KDM2B: variants seen among roughly 807,000 people sequenced by gnomAD.
The protein encoded by KDM2B is lysine-specific demethylase 2B.
KDM2B carries 26 observed loss-of-function variants against 150.0 expected under a neutral mutation model. That is an observed-to-expected ratio of 0.17 (90% CI 0.13 to 0.24). The LOEUF (loss-of-function observed/expected upper bound fraction) is 0.24. Ranked by LOEUF, KDM2B falls within the 10% of genes least tolerant of loss-of-function variation. The probability of loss-of-function intolerance (pLI) is 1.00; values close to 1 mark genes in which losing one functional copy is unlikely to be tolerated. For synonymous variants in KDM2B, 734 were observed against 729.5 expected, an observed-to-expected ratio of 1.01 and a Z score of -0.10; for missense variants, 1,265 against 1,816.9, an observed-to-expected ratio of 0.70 and a Z score of 5.52.
chr12:121,432,316 C>T (rs1873189903), intron 22 of KDM2B, among the ~76,000 whole-genome samples: 1 of 152,218 alleles, frequency 6.6e-6, no homozygotes, highest in African/African-American at 2.4e-5. Context: ...TGTTATCATA[C>T]AATTCCTTCG....
At chr12:121,530,097 G>A (rs1301534612) in intron 8 of KDM2B, among the ~76,000 whole-genome samples, 2 of 151,326 alleles carry the variant, frequency 1.3e-5, no homozygotes, top group Admixed American at 6.6e-5. Flanking sequence ...GCATGGTGGC[G>A]GGTGCCTGTG....
chr12:121,436,812 A>C (rs1262933323), intron 22 of KDM2B, among the ~76,000 whole-genome samples: 8 of 152,208 alleles, frequency 5.3e-5, no homozygotes, highest in African/African-American at 1.9e-4. Flanking sequence ...ATTAACTTAC[A>C]AGGAGAGAAA....
intron 12 of KDM2B, among the ~76,000 whole-genome samples, chr12:121,457,509 G>A (rs1481597261): frequency 1.3e-5 from 2 of 151,842 alleles, no homozygotes; most frequent in Non-Finnish European, 2.9e-5. Context: ...TGATTTGCCC[G>A]CCTCAGCCTC....
chr12:121,448,382 A>G (rs1467563192), intron 13 of KDM2B, among the ~76,000 whole-genome samples: 1 of 151,060 alleles, frequency 6.6e-6, no homozygotes, highest in Non-Finnish European at 1.5e-5. Flanking sequence ...AAGTCCTCTC[A>G]CATCAAACTC....
intron 12 of KDM2B, among the ~76,000 whole-genome samples, chr12:121,461,814 G>T (rs1593829949): frequency 6.6e-6 from 1 of 152,322 alleles, no homozygotes; most frequent in East Asian, 1.9e-4. Flanking sequence ...AGGATGTCCA[G>T]GGGGAATGGA....
intron 4 of KDM2B, among the ~76,000 whole-genome samples, chr12:121,555,627 C>A (rs868932299): frequency 1.8e-4 from 28 of 152,242 alleles, no homozygotes; most frequent in Middle Eastern, 6.8e-3. Context: ...CCCACCTAGG[C>A]CTCCCAAAAT....
intron 2 of KDM2B, 106 bp downstream of exon 2, chr12:121,578,696 G>T (rs1891705889): frequency 1.3e-6 from 1 of 743,724 alleles, no homozygotes; most frequent in Non-Finnish European, 1.8e-6. Flanking sequence ...GGATCCCCTG[G>T]AATGGGGGAC....
At chr12:121,410,109 G>A in the KDM2B span, among the ~76,000 whole-genome samples, 41 of 151,986 alleles carry the variant, frequency 2.7e-4, no homozygotes, top group Middle Eastern at 6.8e-3. Context: ...AGCCAAGATC[G>A]TGCCATCGCA....
At chr12:121,462,312 A>G (rs1879223142) in intron 12 of KDM2B, among the ~76,000 whole-genome samples, 1 of 152,160 alleles carries the variant, frequency 6.6e-6, no homozygotes. Context: ...TTTAATATAG[A>G]GAGAGTAAGG....
intron 8 of KDM2B, among the ~76,000 whole-genome samples, chr12:121,525,774 G>T (rs1213417579): frequency 1.3e-5 from 2 of 152,146 alleles, no homozygotes; most frequent in African/African-American, 4.8e-5. Flanking sequence ...AGACTTGCTG[G>T]AGTGTAAGAA....
intron 17 of KDM2B, 72 bp from the exon 18 acceptor site, chr12:121,443,102 CCCA>C (rs1875458687): frequency 4.2e-6 from 6 of 1,440,602 alleles, no homozygotes; most frequent in Non-Finnish European, 5.7e-6. Flanking sequence ...GACACCCCAC[CCCA>C]CCACGAGTCC....
intron 8 of KDM2B, among the ~76,000 whole-genome samples, chr12:121,523,747 G>A (rs888959085): frequency 1.3e-5 from 2 of 152,260 alleles, no homozygotes; most frequent in African/African-American, 2.4e-5. Context: ...GCCCAGTGCT[G>A]CCGGGTACAG....
intron 12 of KDM2B, among the ~76,000 whole-genome samples, chr12:121,465,194 G>A (rs1879704861): frequency 6.6e-6 from 1 of 152,128 alleles, no homozygotes; most frequent in Admixed American, 6.5e-5. Context: ...GAAAAAATTT[G>A]GCTACAGTGA....
chr12:121,446,245 G>A (rs1359381859), intron 13 of KDM2B, among the ~76,000 whole-genome samples: 4 of 152,106 alleles, frequency 2.6e-5, no homozygotes, highest in East Asian at 1.9e-4. Context: ...AATACAAAAA[G>A]AAATTAGCCG....
At chr12:121,571,932 T>G (rs1335317641) in intron 4 of KDM2B, among the ~76,000 whole-genome samples, 1 of 152,152 alleles carries the variant, frequency 6.6e-6, no homozygotes, top group Non-Finnish European at 1.5e-5. Context: ...ATTACAGGCA[T>G]GAGCCACGGC....
At chr12:121,538,533 C>T (rs1888352119) in intron 6 of KDM2B, among the ~76,000 whole-genome samples, 1 of 152,156 alleles carries the variant, frequency 6.6e-6, no homozygotes. Flanking sequence ...TGTTCTTTTA[C>T]CACCCCTTCC....
chr12:121,491,456 A>G (rs1883338807), intron 12 of KDM2B, among the ~76,000 whole-genome samples: 1 of 151,930 alleles, frequency 6.6e-6, no homozygotes, highest in Non-Finnish European at 1.5e-5. Flanking sequence ...TCTGCTTCAC[A>G]CCATTTTGTG....
chr12:121,530,981 A>T (rs1367336800), intron 8 of KDM2B, among the ~76,000 whole-genome samples: 1 of 152,086 alleles, frequency 6.6e-6, no homozygotes, highest in African/African-American at 2.4e-5. Context: ...AGAGGAAGAG[A>T]CCAGCTAACG....
rs1889310382 is a variant in KDM2B at position 121,549,348 on chromosome 12, G to T, written c.576+112C>A. On this transcript the variant is annotated intron_variant, in intron 5 of 22. Coordinates refer to ENST00000377071, the MANE Select transcript of KDM2B (RefSeq NM_032590.5). The surrounding 1 kb of genome is among the most constrained non-coding windows in gnomAD (Gnocchi z 4.4). ...GTCACCCCTATGCCTGCCAAGCCCA[G>T]CCAGCCACACCCACATGAGCCTTTT... The T allele has an allele frequency of 9.9e-7, 1 of 1,008,778 alleles. No individual in the cohort carries two copies. Among genetic ancestry groups the T allele is most frequent in the Non-Finnish European group, 1.5e-6 (1 of 687,684 alleles). 62.5% of individuals were successfully genotyped at this position (1,008,778 alleles called of 1,614,324 possible).
Sources: gnomAD v4.1 joint callset for allele counts (sites outside exome capture counted in the v4.1 genomes callset) on GRCh38, gnomAD v4.1.1 for gene constraint, Gnocchi (gnomAD v3.1) non-coding constraint, MANE v1.5 for transcripts, NCBI Gene and HGNC (gene_info 2026-07-23, HGNC 2026-07-21) for gene names.